The following ANKRD36C variants were observed in gnomAD, a reference collection of about 807,000 sequenced individuals.
The protein encoded by ANKRD36C is ankyrin repeat domain-containing protein 36C.
ANKRD36C carries 61 observed loss-of-function variants against 276.4 expected under a neutral mutation model. The ratio of observed to expected loss-of-function variants is 0.22; its 90% CI spans 0.18 to 0.27. The LOEUF is 0.27. ANKRD36C is among the 10% of genes least tolerant of loss of function. The pLI is 1.00. For synonymous variants in ANKRD36C, 483 were observed against 680.1 expected (o/e 0.71, Z 4.51); for missense variants, 1,447 against 2,032.3 (o/e 0.71, Z 5.54).
At chr2:95,920,577 A>G (rs149396086) in intron 34 of ANKRD36C, among the ~76,000 whole-genome samples, 8,585 of 132,104 alleles carry the variant, frequency 0.065, 2,242 homozygotes, top group Non-Finnish European at 0.1. Context: ...TCATCATGTC[A>G]TGGCACCAAA....
chr2:95,910,514 C>G (rs1386945826), intron 42 of ANKRD36C, 26 bp downstream of exon 45: 1 of 1,605,124 alleles, frequency 6.2e-7, no homozygotes, highest in Non-Finnish European at 8.5e-7. Flanking sequence ...TTAACTCGTT[C>G]ACAATATAAA....
At chr2:95,892,496 G>A (rs1467043461) in intron 44 of ANKRD36C, among the ~76,000 whole-genome samples, 3 of 151,404 alleles carry the variant, frequency 2.0e-5, no homozygotes, top group Non-Finnish European at 3.0e-5. Flanking sequence ...TTAGCCTTCC[G>A]AAAGTTTCTT....
exon 63 of ANKRD36C, chr2:95,855,683 G>T (rs1341142378): frequency 6.2e-7 from 1 of 1,611,822 alleles, no homozygotes; most frequent in Non-Finnish European, 8.5e-7. Context: ...CAGTTTCGAG[G>T]ACTCTGAACT....
chr2:95,945,864 T>C (rs1018036896), intron 17 of ANKRD36C, among the ~76,000 whole-genome samples: 1 of 150,980 alleles, frequency 6.6e-6, no homozygotes, highest in African/African-American at 2.4e-5. Flanking sequence ...GCAAGGAAAA[T>C]ATTAGACTGA....
chr2:95,943,439 C>A (rs1422621872), intron 19 of ANKRD36C, among the ~76,000 whole-genome samples: 8 of 150,572 alleles, frequency 5.3e-5, no homozygotes, highest in African/African-American at 1.9e-4. Context: ...GAGCCGAGAT[C>A]GCCCACTGCC....
intron 59 of ANKRD36C, among the ~76,000 whole-genome samples, chr2:95,870,132 T>G (rs1440037686): frequency 1.3e-5 from 2 of 152,152 alleles, no homozygotes; most frequent in African/African-American, 4.8e-5. Flanking sequence ...GACTTAAATG[T>G]CCCTGTCTGA....
At chr2:95,982,461 T>C (rs1427696882) in intron 3 of ANKRD36C, 99 bp from the exon 4 acceptor site, 1 of 1,072,072 alleles carries the variant, frequency 9.3e-7, no homozygotes, top group African/African-American at 1.7e-5. Context: ...ATATATACAA[T>C]TGAAAGGTCG....
At chr2:95,891,590 C>A (rs1051673053) in intron 46 of ANKRD36C, 75 bp downstream of exon 66, 3 of 1,482,372 alleles carry the variant, frequency 2.0e-6, no homozygotes, top group Non-Finnish European at 2.7e-6. Flanking sequence ...ACGAACCCCC[C>A]GCTGATTTAT....
intron 42 of ANKRD36C, 131 bp downstream of exon 46, chr2:95,910,242 A>T: frequency 1.8e-6 from 2 of 1,115,886 alleles, no homozygotes; most frequent in Non-Finnish European, 2.5e-6. Context: ...ACAACTTACT[A>T]CAAATGAAGA....
At chr2:95,886,009 T>G (rs1425065881) in intron 52 of ANKRD36C, 39 bp downstream of exon 72, 2 of 1,580,618 alleles carry the variant, frequency 1.3e-6, no homozygotes, top group Non-Finnish European at 1.7e-6. Flanking sequence ...TTCTCTTCTA[T>G]TTGATCGAAC....
At chr2:95,921,049 A>G (rs1677250033) in intron 34 of ANKRD36C, among the ~76,000 whole-genome samples, 1 of 150,648 alleles carries the variant, frequency 6.6e-6, no homozygotes, top group East Asian at 2.0e-4. Context: ...TTCCAAATGC[A>G]TGTGAAGTGA....
chr2:95,867,570 T>A (rs779942765), exon 60 of ANKRD36C: 1 of 1,416,638 alleles, frequency 7.1e-7, no homozygotes, highest in African/African-American at 1.5e-5. Context: ...TAGAATGTAT[T>A]TGGTTTTTCA....
chr2:95,988,493 G>GA (rs990224960), intron 1 of ANKRD36C, among the ~76,000 whole-genome samples: 2 of 152,110 alleles, frequency 1.3e-5, no homozygotes, highest in African/African-American at 4.8e-5. Flanking sequence ...AGGTAAACAT[G>GA]AAGTTGTTAA....
At chr2:95,959,316 G>A (rs1191682133) in intron 10 of ANKRD36C, among the ~76,000 whole-genome samples, 1 of 145,120 alleles carries the variant, frequency 6.9e-6, no homozygotes, top group Non-Finnish European at 1.5e-5. Flanking sequence ...GAATTGATCA[G>A]CTTAAATATA....
intron 6 of ANKRD36C, among the ~76,000 whole-genome samples, chr2:95,964,838 T>C (rs1678554178): frequency 1.3e-5 from 2 of 152,104 alleles, no homozygotes; most frequent in Admixed American, 1.3e-4. Context: ...AACCCTTTCA[T>C]GTACACAAGA....
rs764943710 is a variant in ANKRD36C at position 95,855,397 on chromosome 2, C to G, written c.4864G>C (p.Val1622Leu). 1.3e-5 allele frequency: 21 copies of G among 1,613,480 alleles called. No individual in the cohort carries two copies. The South Asian group carries it at 2.2e-4, about 17-fold the overall frequency. ...CTGCACTCAGCTTGAAGGTTTTCTA[C>G]TCTAGCATCACATCTGGCTTGAATA... Residue 1622 changes from valine (V) to leucine (L), a missense_variant, in exon 63 of 67, where the codon GTA (valine) becomes CTA (leucine). Val to Leu is a conservative substitution (Grantham distance 32). Transcript: ENST00000456556.
At chr2:95,952,103 G>A (rs547696321) in intron 14 of ANKRD36C, among the ~76,000 whole-genome samples, 9 of 152,242 alleles carry the variant, frequency 5.9e-5, no homozygotes, top group African/African-American at 1.9e-4. Context: ...CTAAAGACAT[G>A]TGGTCTGCAA....
intron 40 of ANKRD36C, among the ~76,000 whole-genome samples, chr2:95,913,358 C>G (rs4645038): frequency 4.5e-4 from 68 of 151,342 alleles, no homozygotes; most frequent in African/African-American, 1.5e-3. Flanking sequence ...AGAGGTAGCT[C>G]CTTGAACAAG....
At chr2:95,956,788 G>C (rs530272639) in exon 13 of ANKRD36C, 1 of 1,533,764 alleles carries the variant, frequency 6.5e-7, no homozygotes, top group East Asian at 2.4e-5. Flanking sequence ...AATCATACCT[G>C]TTTAAACACT....
Sources: gnomAD v4.1 joint callset for allele counts (sites outside exome capture counted in the v4.1 genomes callset) on GRCh38, gnomAD v4.1.1 for gene constraint, MANE v1.5 for transcripts, NCBI Gene and HGNC (gene_info 2026-07-23, HGNC 2026-07-21) for gene names.